Variants in PON3 observed in about 807,000 individuals in gnomAD.
PON3 encodes the protein paraoxonase 3.
PON3 carries 37 observed loss-of-function variants against 36.3 expected under a neutral mutation model. That is an observed-to-expected ratio of 1.02 (90% CI 0.78 to 1.34). The LOEUF is 1.34. Among genes scored for constraint, PON3 ranks in the 40% most tolerant of loss-of-function variants. The pLI is 0.00. For missense variants in PON3, 415 were observed against 426.5 expected (o/e 0.97, Z 0.24); for synonymous variants, 155 against 154.8 (o/e 1.00, Z -0.01).
At chr7:95,393,272 T>G (rs1294313594) in intron 2 of PON3, among the ~76,000 whole-genome samples, 2 of 152,162 alleles carry the variant, frequency 1.3e-5, no homozygotes, top group Non-Finnish European at 2.9e-5. Flanking sequence ...TACAATCTGA[T>G]AGTGAAAGAG....
At position 95,390,229 on chromosome 7, in the gene PON3, TCA is replaced by T; in HGVS notation, c.146-22_146-21del. 6.3e-7 allele frequency: 1 copy of T among 1,588,096 alleles called. No individual in the cohort carries two copies. Among genetic ancestry groups the T allele is most frequent in the East Asian group, 2.2e-5 (1 of 44,746 alleles). On this transcript the variant is annotated intron_variant, in intron 2 of 8. Transcript: ENST00000265627. ...CACTTTCTGCAAAAGAAGGGTAGAA[TCA>T]GAAAAATGCATATATGAAGGCTTAA...
chr7:95,387,649 A>G (rs1809227128), intron 3 of PON3, among the ~76,000 whole-genome samples: 1 of 152,198 alleles, frequency 6.6e-6, no homozygotes, highest in Non-Finnish European at 1.5e-5. Flanking sequence ...TTCATAGGGA[A>G]TCAAATAAGG....
At chr7:95,360,837 G>C (rs1342378782) in intron 8 of PON3, among the ~76,000 whole-genome samples, 3 of 152,054 alleles carry the variant, frequency 2.0e-5, no homozygotes, top group Non-Finnish European at 4.4e-5. Flanking sequence ...TCTCTTATTA[G>C]AACAGAGTTT....
intron 3 of PON3, among the ~76,000 whole-genome samples, chr7:95,388,164 T>C (rs916916326): frequency 6.6e-6 from 1 of 152,120 alleles, no homozygotes; most frequent in Non-Finnish European, 1.5e-5. Flanking sequence ...GCCTATGGAA[T>C]GGGAGAAAAT....
intron 2 of PON3, 92 bp from the exon 3 acceptor site, chr7:95,390,301 TC>T: frequency 9.4e-7 from 1 of 1,062,736 alleles, no homozygotes; most frequent in Non-Finnish European, 1.5e-6. Context: ...TTTGGAAACT[TC>T]TTTTGGAAAT....
At chr7:95,390,046 G>T in intron 3 of PON3, 108 bp downstream of exon 3, 1 of 1,168,198 alleles carries the variant, frequency 8.6e-7, no homozygotes, top group Non-Finnish European at 1.3e-6. Flanking sequence ...TTTACCCGGA[G>T]GTGGGATGAG....
intron 3 of PON3, among the ~76,000 whole-genome samples, chr7:95,380,382 T>C (rs1809019923): frequency 6.6e-6 from 1 of 151,982 alleles, no homozygotes. Context: ...GAGAAGAAGG[T>C]TTCAGACAAC....
At chr7:95,390,370 G>A (rs1178893166) in intron 2 of PON3, among the ~76,000 whole-genome samples, 161 bp from the exon 3 acceptor site, 8 of 152,156 alleles carry the variant, frequency 5.3e-5, no homozygotes, top group Admixed American at 5.2e-4. Context: ...GAATCTCACA[G>A]GCATGCTACT....
At chr7:95,377,943 G>C (rs1164684713) in intron 3 of PON3, among the ~76,000 whole-genome samples, 2 of 152,128 alleles carry the variant, frequency 1.3e-5, no homozygotes, top group African/African-American at 2.4e-5. Flanking sequence ...CAGAGGGTCA[G>C]TAATAACAAA....
In PON3 at chr7:95,367,471, A is replaced by G; in HGVS notation, c.385T>C (p.Tyr129His). ...FIDKDNTVYLYVVNHPHMKST... is the reference protein window; with the variant it reads ...FIDKDNTVYLHVVNHPHMKST... ...TTCATGTGGGGATGATTCACAACAT[A>G]AAGATACACAGTATTGTCTACATGG... The change falls in exon 5 of 9, where the codon TAT (tyrosine) becomes CAT (histidine). Residue 129 changes from tyrosine (Y) to histidine (H), a missense_variant. Physicochemically the swap from Tyr to His is moderately conservative, Grantham distance 83. Transcript: ENST00000265627. 1.2e-6 allele frequency: 2 copies of G among 1,613,158 alleles called. No homozygotes were observed. The highest frequency in any genetic ancestry group is 1.7e-6 in the Non-Finnish European group (2 of 1,179,376).
In PON3 at chr7:95,391,058, C is replaced by T. The variant is rs76255674; in HGVS notation, c.146-849G>A. Among the ~76,000 whole-genome samples the T allele has an allele frequency of 6.2e-3, 951 of 152,308 alleles. 9 individuals are homozygous for T. Among genetic ancestry groups the T allele is most frequent in the African/African-American group, 0.022 (899 of 41,560 alleles). ...TGCCTACTGCTTCTTAGCCTGTCAA[C>T]CCTACTGCTACTTGGCATAACTTCA... is the stretch of plus-strand genomic sequence containing the variant. On this transcript the variant is annotated intron_variant, in intron 2 of 8. Coordinates refer to ENST00000265627, the MANE Select transcript of PON3 (RefSeq NM_000940.3).
At chr7:95,382,323 G>C (rs1038511188) in intron 3 of PON3, among the ~76,000 whole-genome samples, 4 of 152,136 alleles carry the variant, frequency 2.6e-5, no homozygotes, top group Admixed American at 6.5e-5. Flanking sequence ...ACATTCAAAA[G>C]CTAGCAGAAG....
intron 3 of PON3, among the ~76,000 whole-genome samples, chr7:95,379,914 G>A (rs2116403365): frequency 6.6e-6 from 1 of 152,318 alleles, no homozygotes; most frequent in Middle Eastern, 3.4e-3. Context: ...CCTCAAGTGG[G>A]TCCCTGACCC....
intron 5 of PON3, among the ~76,000 whole-genome samples, chr7:95,366,726 T>G (rs1224058817): frequency 2.6e-5 from 4 of 152,264 alleles, no homozygotes; most frequent in Non-Finnish European, 4.4e-5. Context: ...TCTGGGTTTA[T>G]ACCCTGTTTC....
chr7:95,371,295 C>G (rs1189784532), intron 4 of PON3, among the ~76,000 whole-genome samples: 2 of 145,832 alleles, frequency 1.4e-5, no homozygotes, highest in Admixed American at 6.6e-5. Flanking sequence ...GTTTTCAATT[C>G]TCTTGAGCAT....
chr7:95,377,298 C>T (rs1362565116), intron 3 of PON3, among the ~76,000 whole-genome samples: 1 of 152,210 alleles, frequency 6.6e-6, no homozygotes, highest in Non-Finnish European at 1.5e-5. Flanking sequence ...CACAGCTCAG[C>T]AAGGCCTACT....
At chr7:95,382,565 C>T (rs1809085099) in intron 3 of PON3, among the ~76,000 whole-genome samples, 1 of 152,196 alleles carries the variant, frequency 6.6e-6, no homozygotes, top group Non-Finnish European at 1.5e-5. Context: ...TCACAGGATA[C>T]TATAAACACA....
intron 5 of PON3, chr7:95,364,928 A>G (rs1808658335): frequency 6.6e-6 from 1 of 152,196 alleles, no homozygotes; most frequent in Non-Finnish European, 1.5e-5. Context: ...GACTTGAAAA[A>G]ATAATGCTTA....
At chr7:95,370,698 G>T (rs991933408) in intron 4 of PON3, among the ~76,000 whole-genome samples, 1 of 152,108 alleles carries the variant, frequency 6.6e-6, no homozygotes, top group Non-Finnish European at 1.5e-5. Flanking sequence ...AAAATTAAAT[G>T]TTTGAAATTA....
Sources: gnomAD v4.1 joint callset for allele counts (sites outside exome capture counted in the v4.1 genomes callset) on GRCh38, gnomAD v4.1.1 for gene constraint, MANE v1.5 for transcripts, NCBI Gene and HGNC (gene_info 2026-07-23, HGNC 2026-07-21) for gene names.